Variants in DMRT1 observed in about 807,000 individuals in gnomAD.
DMRT1 encodes doublesex- and mab-3-related transcription factor 1.
Under a neutral mutation model 32.3 loss-of-function variants are expected in DMRT1, and 7 were observed. The ratio of observed to expected loss-of-function variants is 0.22; its 90% CI spans 0.12 to 0.41. The LOEUF (loss-of-function observed/expected upper bound fraction) is 0.41, where lower values mean the gene tolerates loss of function less well. Ranked by LOEUF, DMRT1 falls within the 10% of genes least tolerant of loss-of-function variation. DMRT1 has a pLI of 1.00. For synonymous variants in DMRT1, 278 were observed against 206.1 expected (o/e 1.35, Z -2.99); for missense variants, 625 against 500.5 (o/e 1.25, Z -2.37).
chr9:878,172 A>G (rs538634378), intron 2 of DMRT1, among the ~76,000 whole-genome samples: 1 of 151,840 alleles, frequency 6.6e-6, no homozygotes, highest in South Asian at 2.1e-4. Flanking sequence ...TAGCAAGCTA[A>G]AAGTTCAGCC....
intron 2 of DMRT1, among the ~76,000 whole-genome samples, chr9:873,465 C>G (rs565096722): frequency 3.3e-5 from 5 of 152,132 alleles, no homozygotes; most frequent in Admixed American, 6.5e-5. Context: ...GCCACCACGC[C>G]CAGCTAATTT....
intron 2 of DMRT1, among the ~76,000 whole-genome samples, chr9:862,281 C>T (rs1165050550): frequency 6.6e-6 from 1 of 152,174 alleles, no homozygotes; most frequent in Non-Finnish European, 1.5e-5. Context: ...TGGCAGACCA[C>T]TCGCGGTCAG....
intron 3 of DMRT1, among the ~76,000 whole-genome samples, chr9:900,474 T>TG (rs1817530077): frequency 6.6e-6 from 1 of 152,152 alleles, no homozygotes; most frequent in African/African-American, 2.4e-5. Context: ...AAGTATCTGC[T>TG]GTGTGGGGGT....
At chr9:900,552 G>A (rs925389314) in intron 3 of DMRT1, among the ~76,000 whole-genome samples, 2 of 152,052 alleles carry the variant, frequency 1.3e-5, no homozygotes, top group African/African-American at 4.8e-5. Flanking sequence ...GTGGAGCCAT[G>A]GGAAGACAAG....
rs557830713 is a variant in DMRT1 at position 870,819 on chromosome 9, C to A, written c.539-23093C>A. Among the ~76,000 whole-genome samples, 6 of 145,006 alleles carry A rather than the reference C, an allele frequency of 4.1e-5. No homozygotes were observed. In the East Asian group the frequency reaches 1.3e-3, roughly 31 times the overall value. ...CTCTAGTCCTGGGGCTCAGGTGATTCTCCAACCTCAGCCTCCCGAGTAGCT... is the reference window on the plus strand; with the variant it reads ...CTCTAGTCCTGGGGCTCAGGTGATTATCCAACCTCAGCCTCCCGAGTAGCT... On this transcript the variant is annotated intron_variant, in intron 2 of 4. Coordinates refer to ENST00000382276, the MANE Select transcript of DMRT1 (RefSeq NM_021951.3).
At chr9:937,558 A>G (rs1818927750) in intron 4 of DMRT1, among the ~76,000 whole-genome samples, 1 of 152,160 alleles carries the variant, frequency 6.6e-6, no homozygotes, top group Middle Eastern at 3.2e-3. Flanking sequence ...GTAAAGTGGA[A>G]TCTGATCATG....
At chr9:849,843 G>A (rs901598793) in intron 2 of DMRT1, among the ~76,000 whole-genome samples, 7 of 150,822 alleles carry the variant, frequency 4.6e-5, no homozygotes, top group East Asian at 2.0e-4. Context: ...TTTTTTTTGA[G>A]ACAGAGTTTT....
chr9:884,410 C>T (rs1816846094), intron 2 of DMRT1, among the ~76,000 whole-genome samples: 1 of 150,228 alleles, frequency 6.7e-6, no homozygotes, highest in Admixed American at 6.6e-5. Flanking sequence ...GAAGCCCTAT[C>T]AAAGAACTGA....
intron 4 of DMRT1, among the ~76,000 whole-genome samples, chr9:953,626 C>G (rs16926656): frequency 0.067 from 10,266 of 152,202 alleles, 689 homozygotes; most frequent in East Asian, 0.19. Context: ...CTCTCCACTG[C>G]TGCTTAAGCT....
At chr9:966,410 C>T (rs377223064) in intron 4 of DMRT1, among the ~76,000 whole-genome samples, 1 of 152,046 alleles carries the variant, frequency 6.6e-6, no homozygotes, top group Non-Finnish European at 1.5e-5. Flanking sequence ...TTTTTATTTA[C>T]CTTATTAAAG....
In DMRT1 at chr9:841,755, G is replaced by A; in HGVS notation, c.-84G>A. The A allele has an allele frequency of 1.3e-6, 2 of 1,549,494 alleles. No individual in the cohort carries two copies. Among genetic ancestry groups the A allele is most frequent in the Non-Finnish European group, 8.7e-7 (1 of 1,147,692 alleles). Reference sequence around the variant, plus strand: ...TCTCCTGCGCCTCCTCCTCCGGAGCGTCGCTGTCCGTCGGGTTCATCCCTC... The same window carrying A: ...TCTCCTGCGCCTCCTCCTCCGGAGCATCGCTGTCCGTCGGGTTCATCCCTC... On this transcript the variant is annotated 5_prime_UTR_variant, in exon 1 of 5. Transcript: ENST00000382276.
chr9:902,123 T>TG (rs1472418559), intron 3 of DMRT1, among the ~76,000 whole-genome samples: 1 of 151,644 alleles, frequency 6.6e-6, no homozygotes, highest in Non-Finnish European at 1.5e-5. Context: ...TTGGCCAGGC[T>TG]GGTCTCAAAC....
At chr9:862,013 C>A (rs1815721700) in intron 2 of DMRT1, among the ~76,000 whole-genome samples, 1 of 151,026 alleles carries the variant, frequency 6.6e-6, no homozygotes, top group Non-Finnish European at 1.5e-5. Context: ...TCCTCACTTC[C>A]CAGACTGGGC....
intron 4 of DMRT1, among the ~76,000 whole-genome samples, chr9:941,751 C>T (rs892938205): frequency 1.3e-5 from 2 of 152,058 alleles, no homozygotes; most frequent in Non-Finnish European, 2.9e-5. Flanking sequence ...AAAGTATGGA[C>T]ATTTTATTTA....
intron 4 of DMRT1, among the ~76,000 whole-genome samples, chr9:961,710 T>G (rs1264102963): frequency 6.6e-6 from 1 of 152,186 alleles, no homozygotes; most frequent in African/African-American, 2.4e-5. Context: ...AAAGGCAACA[T>G]GTATGTGTGG....
In DMRT1 at chr9:902,508, A is replaced by G. The variant is rs1023966612; in HGVS notation, c.822+8313A>G. Among the ~76,000 whole-genome samples the G allele has an allele frequency of 1.9e-4, 28 of 145,086 alleles. 3 individuals are homozygous for G. The highest frequency in any genetic ancestry group is 7.3e-4 in the African/African-American group (28 of 38,352). On this transcript the variant is annotated intron_variant, in intron 3 of 4. Transcript: ENST00000382276. ...CCCACCACATTTTTTTTTTTTTTAG[A>G]TGGAGTCTTGCTGTCTTGCCCAGGC...
At chr9:867,105 A>G (rs560415316) in intron 2 of DMRT1, among the ~76,000 whole-genome samples, 1 of 152,300 alleles carries the variant, frequency 6.6e-6, no homozygotes, top group East Asian at 1.9e-4. Context: ...AATATAAAAG[A>G]GGGAGAGAGA....
intron 1 of DMRT1, chr9:842,951 C>T (rs1314095487): frequency 2.0e-5 from 3 of 152,242 alleles, no homozygotes; most frequent in Non-Finnish European, 4.4e-5. Context: ...TCCCGCCCTC[C>T]GAGGTGAGGC....
chr9:857,810 T>C (rs985491286), intron 2 of DMRT1, among the ~76,000 whole-genome samples: 3 of 126,010 alleles, frequency 2.4e-5, no homozygotes, highest in Non-Finnish European at 4.7e-5. Context: ...TGGTGTGTGA[T>C]GTTCCCCTTC....
Sources: gnomAD v4.1 joint callset for allele counts (sites outside exome capture counted in the v4.1 genomes callset) on GRCh38, gnomAD v4.1.1 for gene constraint, MANE v1.5 for transcripts, NCBI Gene and HGNC (gene_info 2026-07-23, HGNC 2026-07-21) for gene names.